Variants in UPB1 observed in about 807,000 individuals in gnomAD.
UPB1 encodes the protein beta-ureidopropionase.
A neutral mutation model predicts 49.1 loss-of-function variants in UPB1; 40 were observed. The ratio of observed to expected loss-of-function variants is 0.81; its 90% CI spans 0.63 to 1.06. UPB1 has a LOEUF of 1.06. Ranked by LOEUF, UPB1 falls within the 50% of genes least tolerant of loss-of-function variation. UPB1 has a pLI of 0.00. For missense variants in UPB1, 499 were observed against 505.9 expected, an observed-to-expected ratio of 0.99 and a Z score of 0.13; for synonymous variants, 207 against 198.2, an observed-to-expected ratio of 1.04 and a Z score of -0.38.
chr22:24,514,009 G>A (rs541857405), intron 5 of UPB1, among the ~76,000 whole-genome samples: 6 of 152,238 alleles, frequency 3.9e-5, no homozygotes, highest in African/African-American at 1.2e-4. Context: ...AGTTTCATGT[G>A]CCCATGATCA....
chr22:24,514,769 A>C (rs1388167358), intron 5 of UPB1, among the ~76,000 whole-genome samples: 2 of 152,152 alleles, frequency 1.3e-5, no homozygotes, highest in Non-Finnish European at 2.9e-5. Flanking sequence ...TTCTCCTCTG[A>C]CCAGGGAGAG....
chr22:24,504,840 G>A (rs553928767), intron 3 of UPB1, among the ~76,000 whole-genome samples: 3 of 134,680 alleles, frequency 2.2e-5, no homozygotes, highest in East Asian at 4.7e-4. Context: ...CAATCCTCCC[G>A]CCCCAGCCTC....
intron 5 of UPB1, 83 bp downstream of exon 5, chr22:24,513,568 G>C: frequency 6.5e-7 from 1 of 1,536,396 alleles, no homozygotes; most frequent in Non-Finnish European, 8.8e-7. Flanking sequence ...TTTCTGTGGG[G>C]AAGTTCTGTG....
In UPB1 at chr22:24,523,635, C is replaced by T; in HGVS notation, c.933C>T (p.Gly311=). The T allele has an allele frequency of 6.2e-7, 1 of 1,614,282 alleles. No homozygotes were observed. Among genetic ancestry groups the T allele is most frequent in the Non-Finnish European group, 8.5e-7 (1 of 1,180,056 alleles). The change falls in exon 9 of 10, where the codon GGC becomes GGT. Residue 311 remains glycine (G), a synonymous_variant. Coordinates refer to ENST00000326010, the MANE Select transcript of UPB1 (RefSeq NM_016327.3). ...CCTTTAAAGCTCACCAGGACTTTGG[C>T]TACTTTTATGGCTCGAGCTATGTGG... ...GDGKKAHQDF[G]YFYGSSYVAA...
intron 2 of UPB1, among the ~76,000 whole-genome samples, 169 bp downstream of exon 2, chr22:24,500,447 T>C (rs534844153): frequency 4.5e-4 from 69 of 152,366 alleles, no homozygotes; most frequent in African/African-American, 1.6e-3. Flanking sequence ...CCAGCCTGCA[T>C]CTCTGGCTCT....
intron 4 of UPB1, among the ~76,000 whole-genome samples, chr22:24,511,642 C>G (rs1213273866): frequency 7.7e-6 from 1 of 130,610 alleles, no homozygotes; most frequent in Admixed American, 8.8e-5. Context: ...GAGATGGAGT[C>G]TCACTCTGTT....
chr22:24,509,643 A>G (rs76465460), intron 3 of UPB1, among the ~76,000 whole-genome samples: 3,033 of 152,220 alleles, frequency 0.02, 109 homozygotes, highest in African/African-American at 0.07. Context: ...CAAGGAGTCA[A>G]TGGAGCTCCT....
intron 1 of UPB1, among the ~76,000 whole-genome samples, chr22:24,499,108 G>C (rs922986969): frequency 2.0e-5 from 3 of 152,194 alleles, no homozygotes; most frequent in African/African-American, 7.2e-5. Flanking sequence ...GATTGTCAGG[G>C]GCGGAACCGA....
At chr22:24,512,265 G>A (rs1047768646) in intron 4 of UPB1, among the ~76,000 whole-genome samples, 4 of 152,216 alleles carry the variant, frequency 2.6e-5, no homozygotes, top group African/African-American at 9.6e-5. Context: ...GTGAAAGAGA[G>A]CTGGTGCCAG....
chr22:24,495,606 G>A (rs2043855726), intron 1 of UPB1, 99 bp downstream of exon 1: 6 of 1,346,076 alleles, frequency 4.5e-6, no homozygotes, highest in South Asian at 3.6e-5. Context: ...AGGGCTCAGG[G>A]GAGGCGGTGA....
chr22:24,521,891 G>C (rs779668085), intron 7 of UPB1, 95 bp from the exon 8 acceptor site: 4 of 1,336,766 alleles, frequency 3.0e-6, no homozygotes, highest in Admixed American at 3.5e-5. Context: ...CTCGCCTCTC[G>C]GCCTGATTGC....
At chr22:24,506,657 CT>C (rs1186313051) in intron 3 of UPB1, among the ~76,000 whole-genome samples, 1 of 152,176 alleles carries the variant, frequency 6.6e-6, no homozygotes, top group African/African-American at 2.4e-5. Context: ...TTTTTGTTAC[CT>C]TTGTACTCTC....
chr22:24,520,398 G>A lies in UPB1; in HGVS notation c.803G>A (p.Trp268Ter). ...GTCCTCTCTTACAGCGAGTCCCTGT[G>A]GCCCATCGAGGCCAGAAACGCAGCC... ...ATIGALSESLWPIEARNAAIA... is the reference protein window; with the variant it reads ...ATIGALSESL The change falls in exon 7 of 10, where the codon TGG (tryptophan) becomes TAG (stop). Residue 268 changes from tryptophan to a stop codon, truncating the protein, a stop_gained. Transcript: ENST00000326010. LOFTEE classifies it high-confidence loss of function. 6.2e-7 allele frequency: 1 copy of A among 1,614,176 alleles called. No individual in the cohort carries two copies. Among genetic ancestry groups the A allele is most frequent in the South Asian group, 1.1e-5 (1 of 91,074 alleles).
At chr22:24,499,868 C>T (rs996120551) in intron 1 of UPB1, among the ~76,000 whole-genome samples, 1 of 152,178 alleles carries the variant, frequency 6.6e-6, no homozygotes, top group Non-Finnish European at 1.5e-5. Context: ...CAGGCCTAAC[C>T]GTGCTGACTC....
intron 9 of UPB1, 110 bp from the exon 10 acceptor site, chr22:24,525,601 G>C: frequency 7.7e-7 from 1 of 1,293,836 alleles, no homozygotes; most frequent in South Asian, 1.2e-5. Flanking sequence ...GAGCCTTCCT[G>C]ATGCGTTCCT....
chr22:24,525,861 G>A lies in UPB1; in HGVS notation c.*67G>A. The A allele has an allele frequency of 3.8e-6, 6 of 1,585,090 alleles. No individual in the cohort carries two copies. In the South Asian group the frequency reaches 4.4e-5, roughly 12 times the overall value. ...CCCCAGTGGATTAGCAAGTGTGGCA[G>A]GCTTAACATGTCCAGGTTCTCCCCA... On this transcript the variant is annotated 3_prime_UTR_variant, in exon 10 of 10. Transcript: ENST00000326010.
chr22:24,511,281 C>T (rs2044196630), intron 4 of UPB1, among the ~76,000 whole-genome samples: 1 of 152,136 alleles, frequency 6.6e-6, no homozygotes, highest in Admixed American at 6.5e-5. Flanking sequence ...TTCATTAAAA[C>T]CTTATAATAC....
chr22:24,502,114 T>C lies in UPB1; in HGVS notation c.277-12T>C, dbSNP rs1352394806. ...AGAACTAAATGGATTCTAATCCTTTTTAAATTCTCAGGTCTCTGCCCTTCA... is the reference window on the plus strand; with the variant it reads ...AGAACTAAATGGATTCTAATCCTTTCTAAATTCTCAGGTCTCTGCCCTTCA... On this transcript the variant is annotated splice_polypyrimidine_tract_variant and intron_variant, in intron 2 of 9. Transcript: ENST00000326010. 6.2e-7 allele frequency: 1 copy of C among 1,614,158 alleles called. No homozygotes were observed. The highest frequency in any genetic ancestry group is 8.5e-7 in the Non-Finnish European group (1 of 1,179,984).
In UPB1 at chr22:24,500,210, C is replaced by A. The variant is rs755533170; in HGVS notation, c.208C>A (p.Arg70Ser). The A allele has an allele frequency of 6.2e-7, 1 of 1,614,210 alleles. No homozygotes were observed. Among genetic ancestry groups the A allele is most frequent in the Non-Finnish European group, 8.5e-7 (1 of 1,180,040 alleles). The change falls in exon 2 of 10, where the codon CGC becomes AGC. Residue 70 changes from arginine (R) to serine (S), a missense_variant. Transcript: ENST00000326010. ...AGCGGAGGAGCAGCTGAGACGACCC[C>A]GCATTGTGCACGTGGGGCTGGTTCA... ...EAAEEQLRRP[R>S]IVHVGLVQNR...
Sources: gnomAD v4.1 joint callset for allele counts (sites outside exome capture counted in the v4.1 genomes callset) on GRCh38, gnomAD v4.1.1 for gene constraint, MANE v1.5 for transcripts, NCBI Gene and HGNC (gene_info 2026-07-23, HGNC 2026-07-21) for gene names.